The following CTSL variants were observed in gnomAD, a reference collection of about 807,000 sequenced individuals.
CTSL encodes procathepsin L.
CTSL carries 23 observed loss-of-function variants against 34.7 expected under a neutral mutation model. The ratio of observed to expected loss-of-function variants is 0.66; its 90% confidence interval spans 0.48 to 0.94. CTSL has a LOEUF of 0.94. Among genes scored for constraint, CTSL ranks in the 40% least tolerant of loss-of-function variants. The pLI is 0.00. For synonymous variants in CTSL, 129 were observed against 136.7 expected (o/e 0.94, Z 0.39); for missense variants, 361 against 406.3 (o/e 0.89, Z 0.96).
chr9:87,730,665 A>T (rs146322690), intron 7 of CTSL, among the ~76,000 whole-genome samples, 167 bp downstream of exon 7: 2 of 152,268 alleles, frequency 1.3e-5, no homozygotes, highest in African/African-American at 4.8e-5. Flanking sequence ...AGAAACTGTC[A>T]CAAATATCTT....
rs770219269 is a variant in CTSL at position 87,731,336 on chromosome 9, G to A, written c.*229G>A. On this transcript the variant is annotated 3_prime_UTR_variant, in exon 8 of 8. Coordinates refer to ENST00000343150, the MANE Select transcript of CTSL (RefSeq NM_001912.5). ...ATTCACTTACTGACTTTGCATTTTC[G>A]TTTTTAAAAGGATGTATAAATTTTT... The A allele has an allele frequency of 1.2e-4, 41 of 355,646 alleles. No homozygotes were observed. Among genetic ancestry groups the A allele is most frequent in the African/African-American group, 1.3e-4 (6 of 47,812 alleles). The allele number at this position is 355,646 out of a possible 1,614,324, so 22.0% of individuals were successfully genotyped here. A position where few individuals can be genotyped will look rare whatever the true frequency, so the allele number is the denominator to read the frequency against.
intron 1 of CTSL, among the ~76,000 whole-genome samples, chr9:87,727,041 AAAATAAATAAAT>A (rs71507737): frequency 0.021 from 3,088 of 144,862 alleles, 119 homozygotes; most frequent in East Asian, 0.16. Context: ...TCCATCTCAA[AAAATAAATAAAT>A]AAATAAATAA....
chr9:87,726,693 A>G (rs963598419), intron 1 of CTSL, among the ~76,000 whole-genome samples: 1 of 152,206 alleles, frequency 6.6e-6, no homozygotes, highest in African/African-American at 2.4e-5. Context: ...AGGAGGGAGC[A>G]GTGCGTGCTC....
Position 87,728,719 on chromosome 9 carries a change from C to G in CTSL, c.531C>G (p.Gly177=), listed in dbSNP as rs1239972668. Residue 177 remains glycine (G), a synonymous_variant, in exon 5 of 8, where the codon GGC becomes GGG. Transcript: ENST00000343150. ...VDCSGPQGNE[G]CNGGLMDYAF... is the part of the protein sequence containing the mutation. ...GCTCTGGGCCTCAAGGCAATGAAGG[C>G]TGCAATGGTGGCCTAATGGATTATG... The G allele has an allele frequency of 1.9e-6, 3 of 1,614,144 alleles. No homozygotes were observed. Among genetic ancestry groups the G allele is most frequent in the Non-Finnish European group, 2.5e-6 (3 of 1,180,032 alleles).
rs371593326 is a variant in CTSL, at chr9:87,728,008, G to A, written c.127-19G>A. On this transcript the variant is annotated intron_variant, in intron 2 of 7. Transcript: ENST00000343150. Reference sequence around the variant, plus strand: ...TTTTAGGTAGAAGTAAAGAGCATCAGTTACATGTTTGCCTCTAGAATGAAG... The same window carrying A: ...TTTTAGGTAGAAGTAAAGAGCATCAATTACATGTTTGCCTCTAGAATGAAG... 6.2e-7 allele frequency: 1 copy of A among 1,612,748 alleles called. No individual in the cohort carries two copies. Among genetic ancestry groups the A allele is most frequent in the Non-Finnish European group, 8.5e-7 (1 of 1,179,876 alleles).
At chr9:87,728,858 A>G in intron 5 of CTSL, 49 bp downstream of exon 5, 1 of 1,613,526 alleles carries the variant, frequency 6.2e-7, no homozygotes, top group East Asian at 2.2e-5. Context: ...TGGAAGGTGG[A>G]CACTTTAAGA....
At chr9:87,729,336 C>T (rs1316066030) in intron 5 of CTSL, among the ~76,000 whole-genome samples, 1 of 152,168 alleles carries the variant, frequency 6.6e-6, no homozygotes, top group East Asian at 1.9e-4. Context: ...TAAATATACA[C>T]ATTTCTCTAT....
chr9:87,729,623 C>G lies in CTSL; in HGVS notation c.672C>G (p.Gly224=), dbSNP rs749458863. The change falls in exon 6 of 8, where the codon GGC becomes GGG. Residue 224 remains glycine, a synonymous_variant. Coordinates refer to ENST00000343150, the MANE Select transcript of CTSL (RefSeq NM_001912.5). ...AGTATTCTGTTGCTAATGACACCGG[C>G]TTTGTGGACATCCCTAAGCAGGAGA... is the stretch of plus-strand genomic sequence containing the variant. ...NPKYSVANDT[G]FVDIPKQEKA... The G allele has an allele frequency of 1.2e-6, 2 of 1,614,142 alleles. No individual in the cohort carries two copies. The highest frequency in any genetic ancestry group is 1.7e-6 in the Non-Finnish European group (2 of 1,180,024).
rs1564089075 is a variant in CTSL, at chr9:87,728,051, G to T, written c.151G>T (p.Val51Leu). 1.2e-6 allele frequency: 2 copies of T among 1,613,912 alleles called. No individual in the cohort carries two copies. The highest frequency in any genetic ancestry group is 1.7e-6 in the Non-Finnish European group (2 of 1,179,908). ...GMNEEGWRRA[V>L]WEKNMKMIEL... ...GAATGAAGAAGGATGGAGGAGAGCA[G>T]TGTGGGAGAAGAACATGAAGATGAT... Residue 51 changes from valine (V) to leucine (L), a missense_variant, in exon 3 of 8, where the codon GTG (valine) becomes TTG (leucine). Transcript: ENST00000343150.
Position 87,729,714 on chromosome 9 carries a change from T to A in CTSL, c.763T>A (p.Ser255Thr), listed in dbSNP as rs753162693. The change falls in exon 6 of 8, where the codon TCC (serine) becomes ACC (threonine). Residue 255 changes from serine (S) to threonine (T), a missense_variant. Coordinates refer to ENST00000343150, the MANE Select transcript of CTSL (RefSeq NM_001912.5). ...ISVAIDAGHE[S>T]FLFYKEGIYF... ...TGTTGCTATTGATGCAGGTCATGAG[T>A]CCTTCCTGTTCTATAAAGAAGGTAA... 6.2e-7 allele frequency: 1 copy of A among 1,605,254 alleles called. No individual in the cohort carries two copies. The highest frequency in any genetic ancestry group is 8.5e-7 in the Non-Finnish European group (1 of 1,177,682).
At chr9:87,727,358 C>T (rs1399219672) in intron 1 of CTSL, among the ~76,000 whole-genome samples, 1 of 151,934 alleles carries the variant, frequency 6.6e-6, no homozygotes, top group South Asian at 2.1e-4. Flanking sequence ...TAAACTGTTT[C>T]AGCTCCTACA....
Position 87,728,077 on chromosome 9 carries a change from T to A in CTSL, c.177T>A (p.Ile59=). 6.2e-7 allele frequency: 1 copy of A among 1,613,988 alleles called. No homozygotes were observed. Among genetic ancestry groups the A allele is most frequent in the Non-Finnish European group, 8.5e-7 (1 of 1,179,924 alleles). ...TGTGGGAGAAGAACATGAAGATGAT[T>A]GAACTGCACAATCAGGAATACAGGG... The part of the protein sequence containing the change: ...RAVWEKNMKM[I]ELHNQEYREG... Residue 59 remains isoleucine (I), a synonymous_variant, in exon 3 of 8, where the codon ATT becomes ATA. Coordinates refer to ENST00000343150, the MANE Select transcript of CTSL (RefSeq NM_001912.5).
chr9:87,730,398 G>C lies in CTSL; in HGVS notation c.802G>C (p.Asp268His), dbSNP rs1826211726. 6.2e-7 allele frequency: 1 copy of C among 1,610,932 alleles called. No homozygotes were observed. Among genetic ancestry groups the C allele is most frequent in the Admixed American group, 1.7e-5 (1 of 59,280 alleles). The part of the protein sequence containing the change: ...FYKEGIYFEP[D>H]CSSEDMDHGV... ...CATCCCAGGCATTTATTTTGAGCCA[G>C]ACTGTAGCAGTGAAGACATGGATCA... is the stretch of plus-strand genomic sequence containing the variant. Residue 268 changes from aspartate to histidine, a missense_variant, in exon 7 of 8, where the codon GAC becomes CAC. Transcript: ENST00000343150.
intron 2 of CTSL, 30 bp downstream of exon 2, chr9:87,727,759 C>A (rs139486675): frequency 1.2e-5 from 19 of 1,613,282 alleles, no homozygotes; most frequent in Non-Finnish European, 1.5e-5. Context: ...AAAGAATAGT[C>A]CTGGCTGTTG....
chr9:87,728,536 T>A, intron 4 of CTSL, 49 bp from the exon 5 acceptor site: 2 of 1,588,342 alleles, frequency 1.3e-6, no homozygotes, highest in Non-Finnish European at 1.7e-6. Flanking sequence ...TGTCAAAGTC[T>A]TATTATTTTT....
intron 7 of CTSL, 100 bp downstream of exon 7, chr9:87,730,598 T>C: frequency 1.3e-6 from 1 of 779,480 alleles, no homozygotes; most frequent in Non-Finnish European, 2.1e-6. Flanking sequence ...GGCATACTTC[T>C]GAAATCCCCA....
intron 1 of CTSL, among the ~76,000 whole-genome samples, chr9:87,727,275 C>G (rs1292515624): frequency 6.6e-6 from 1 of 152,086 alleles, no homozygotes; most frequent in Admixed American, 6.5e-5. Flanking sequence ...TTCCCGGTTT[C>G]CTAGTTGTTG....
At chr9:87,728,892 T>C (rs1281988998) in intron 5 of CTSL, 83 bp downstream of exon 5, 1 of 1,588,842 alleles carries the variant, frequency 6.3e-7, no homozygotes, top group South Asian at 1.1e-5. Flanking sequence ...TTTTTCGGAA[T>C]TCATATATTA....
At chr9:87,727,090 T>C (rs1051906896) in intron 1 of CTSL, among the ~76,000 whole-genome samples, 1 of 148,690 alleles carries the variant, frequency 6.7e-6, no homozygotes, top group African/African-American at 2.5e-5. Context: ...ATAGGAGAGA[T>C]TGGAAAACTT....
Sources: gnomAD v4.1 joint callset for allele counts (sites outside exome capture counted in the v4.1 genomes callset) on GRCh38, gnomAD v4.1.1 for gene constraint, MANE v1.5 for transcripts, NCBI Gene and HGNC (gene_info 2026-07-23, HGNC 2026-07-21) for gene names.